The following HS3ST4 variants were observed in gnomAD, a reference collection of about 807,000 sequenced individuals.
HS3ST4 encodes the protein heparan sulfate-glucosamine 3-sulfotransferase 4.
Under a neutral mutation model 29.2 loss-of-function variants are expected in HS3ST4, and 17 were observed. The observed-to-expected ratio is 0.58, with a 90% CI of 0.40 to 0.87. The LOEUF (loss-of-function observed/expected upper bound fraction) is 0.87. Among genes scored for constraint, HS3ST4 ranks in the 40% least tolerant of loss-of-function variants. HS3ST4 has a pLI of 0.00. For synonymous variants in HS3ST4, 314 were observed against 285.7 expected, an observed-to-expected ratio of 1.10 and a Z score of -1.00; for missense variants, 627 against 634.5, an observed-to-expected ratio of 0.99 and a Z score of 0.13.
chr16:25,924,847 C>T (rs1968387371), intron 1 of HS3ST4, among the ~76,000 whole-genome samples: 2 of 152,028 alleles, frequency 1.3e-5, no homozygotes, highest in African/African-American at 2.4e-5. Context: ...ACATCAAGGC[C>T]CCTGGTCTGG....
intron 1 of HS3ST4, among the ~76,000 whole-genome samples, chr16:26,011,976 G>A (rs1969315343): frequency 6.6e-6 from 1 of 152,090 alleles, no homozygotes; most frequent in Non-Finnish European, 1.5e-5. Flanking sequence ...TGCAGTTTCT[G>A]GAAAAGATTG....
intron 1 of HS3ST4, among the ~76,000 whole-genome samples, chr16:26,089,871 T>G (rs921461595): frequency 1.3e-5 from 2 of 152,214 alleles, no homozygotes; most frequent in East Asian, 1.9e-4. Flanking sequence ...TTAACCTCTC[T>G]GTGCTTGAAT....
At chr16:26,041,404 T>C (rs1300383996) in intron 1 of HS3ST4, among the ~76,000 whole-genome samples, 2 of 152,160 alleles carry the variant, frequency 1.3e-5, no homozygotes, top group Non-Finnish European at 2.9e-5. Flanking sequence ...TAAACATTAT[T>C]TTAAAAGATT....
chr16:26,087,441 A>G (rs1898802767), intron 1 of HS3ST4, among the ~76,000 whole-genome samples: 1 of 152,146 alleles, frequency 6.6e-6, no homozygotes, highest in Non-Finnish European at 1.5e-5. Context: ...AATGGAACCT[A>G]ATGGAACCAA....
intron 1 of HS3ST4, among the ~76,000 whole-genome samples, chr16:25,705,299 AAT>A (rs1168646129): frequency 1.3e-5 from 2 of 152,186 alleles, no homozygotes; most frequent in Non-Finnish European, 2.9e-5. Flanking sequence ...GAGATGAGGA[AAT>A]ATTTGAGTCA....
rs34729954 is a variant in HS3ST4 at position 25,788,540 on chromosome 16, C to CTTTTT, written c.734+95392_734+95393insTTTTT. On this transcript the variant is annotated intron_variant, in intron 1 of 1. Transcript: ENST00000331351. ...TTCCTACATTTTTTTTTCTTTTCTT[C>CTTTTT]TTTCTTTTTTTTTTTTTTTTGACAG... Among the ~76,000 whole-genome samples the CTTTTT allele has an allele frequency of 7.2e-3, 711 of 98,996 alleles. 24 individuals carry two copies. The highest frequency in any genetic ancestry group is 7.8e-3 in the Non-Finnish European group (409 of 52,348). The allele number at this position is 98,996 out of a possible 152,430, so 64.9% of individuals were successfully genotyped here. A position where few individuals can be genotyped will look rare whatever the true frequency, so the allele number is the denominator to read the frequency against.
intron 1 of HS3ST4, among the ~76,000 whole-genome samples, chr16:25,751,182 G>A (rs765284222): frequency 1.1e-4 from 16 of 152,186 alleles, no homozygotes; most frequent in Non-Finnish European, 1.6e-4. Flanking sequence ...ACCATGGCCC[G>A]GTTTGCAATG....
intron 1 of HS3ST4, among the ~76,000 whole-genome samples, chr16:25,831,590 A>C (rs1318944244): frequency 1.3e-5 from 2 of 151,470 alleles, no homozygotes; most frequent in Admixed American, 6.6e-5. Flanking sequence ...GACCCTGTCC[A>C]AAAAAATAAA....
Position 25,754,713 on chromosome 16 carries a change from C to G in HS3ST4, c.734+61562C>G, listed in dbSNP as rs992223854. Among the ~76,000 whole-genome samples, 5 of 152,066 alleles carry G rather than the reference C, an allele frequency of 3.3e-5. No individual in the cohort carries two copies. In the East Asian group the frequency reaches 7.7e-4, roughly 23 times the overall value. On this transcript the variant is annotated intron_variant, in intron 1 of 1. Coordinates refer to ENST00000331351, the MANE Select transcript of HS3ST4 (RefSeq NM_006040.3). ...CCCTCAGATCTCCTGAGGACTATCA[C>G]GATCACAAGAACAGGATGGGGAAAA...
intron 1 of HS3ST4, among the ~76,000 whole-genome samples, chr16:25,820,204 A>G (rs2141633095): frequency 6.6e-6 from 1 of 151,810 alleles, no homozygotes; most frequent in African/African-American, 2.4e-5. Flanking sequence ...AGTTTGCCTG[A>G]TGGACAATTG....
chr16:26,130,367 A>G (rs1186385415), intron 1 of HS3ST4, among the ~76,000 whole-genome samples: 1 of 152,174 alleles, frequency 6.6e-6, no homozygotes, highest in Non-Finnish European at 1.5e-5. Context: ...TACTTAGATG[A>G]GCCATGTCCT....
chr16:26,024,732 C>CA (rs995048328), intron 1 of HS3ST4, among the ~76,000 whole-genome samples: 3 of 151,620 alleles, frequency 2.0e-5, no homozygotes, highest in Admixed American at 6.6e-5. Flanking sequence ...GACTCCATCT[C>CA]AAAAAAAAGT....
chr16:25,807,665 A>T (rs1893500076), intron 1 of HS3ST4, among the ~76,000 whole-genome samples: 1 of 152,170 alleles, frequency 6.6e-6, no homozygotes, highest in Non-Finnish European at 1.5e-5. Flanking sequence ...TTTTTTCTAG[A>T]ATAAATGCCC....
At chr16:26,102,144 T>G (rs1443523710) in intron 1 of HS3ST4, among the ~76,000 whole-genome samples, 1 of 152,188 alleles carries the variant, frequency 6.6e-6, no homozygotes, top group African/African-American at 2.4e-5. Context: ...AGTGGTTCAT[T>G]TGAGGGTCAA....
At chr16:25,720,729 C>A (rs1966487202) in intron 1 of HS3ST4, among the ~76,000 whole-genome samples, 1 of 152,072 alleles carries the variant, frequency 6.6e-6, no homozygotes, top group Non-Finnish European at 1.5e-5. Flanking sequence ...GGTTACTGGA[C>A]AAAATGAGAA....
intron 1 of HS3ST4, among the ~76,000 whole-genome samples, chr16:25,713,690 C>G (rs537458109): frequency 4.6e-5 from 7 of 152,140 alleles, no homozygotes; most frequent in Non-Finnish European, 8.8e-5. Context: ...TTCCATGGCT[C>G]GGAGCACTGA....
rs774398647 is a variant in HS3ST4 at position 25,692,855 on chromosome 16, C to T, written c.438C>T (p.Pro146=). The change falls in exon 1 of 2, where the codon CCC becomes CCT. Residue 146 remains proline (P), a synonymous_variant. Transcript: ENST00000331351. ...QDAWLRTPLA[P]SEMITAQSAL... ...CCTGGCTCCGGACCCCGCTGGCCCC[C>T]AGCGAGATGATCACGGCTCAGAGCG... is the stretch of plus-strand genomic sequence containing the variant. The T allele has an allele frequency of 4.1e-6, 6 of 1,478,672 alleles. No homozygotes were observed. In the South Asian group the frequency reaches 6.6e-5, roughly 16 times the overall value. 91.6% of individuals were successfully genotyped at this position (1,478,672 alleles called of 1,614,324 possible).
At chr16:25,849,770 G>A (rs768885448) in intron 1 of HS3ST4, among the ~76,000 whole-genome samples, 2 of 151,978 alleles carry the variant, frequency 1.3e-5, no homozygotes, top group African/African-American at 2.4e-5. Flanking sequence ...GCCTCCCAAT[G>A]TGCTGGAACT....
intron 1 of HS3ST4, among the ~76,000 whole-genome samples, chr16:25,777,062 A>G (rs1374941574): frequency 2.0e-5 from 3 of 152,016 alleles, no homozygotes; most frequent in Non-Finnish European, 2.9e-5. Context: ...ATTTTAATCC[A>G]TGTCTCTTCC....
Sources: allele counts gnomAD v4.1 joint callset (sites outside exome capture counted in the v4.1 genomes callset), GRCh38; gene constraint gnomAD v4.1.1; transcripts MANE v1.5; gene names NCBI Gene and HGNC (gene_info 2026-07-23, HGNC 2026-07-21).